Variants in ZFPM2 observed in about 807,000 individuals in gnomAD.
ZFPM2 encodes the protein zinc finger protein ZFPM2.
ZFPM2 carries 20 observed loss-of-function variants against 98.6 expected under a neutral mutation model. That is an observed-to-expected ratio of 0.20 (90% CI 0.14 to 0.29). The LOEUF is 0.29. Ranked by LOEUF, ZFPM2 falls within the 10% of genes least tolerant of loss-of-function variation. The probability of loss-of-function intolerance (pLI) is 1.00; values close to 1 mark genes in which losing one functional copy is unlikely to be tolerated. For missense variants in ZFPM2, 1,310 were observed against 1,388.6 expected, an observed-to-expected ratio of 0.94 and a Z score of 0.90; for synonymous variants, 518 against 502.7, an observed-to-expected ratio of 1.03 and a Z score of -0.41.
chr8:105,684,210 C>T (rs1810681325), intron 5 of ZFPM2, among the ~76,000 whole-genome samples: 1 of 152,080 alleles, frequency 6.6e-6, no homozygotes, highest in Admixed American at 6.6e-5. Context: ...ATAGAAATGA[C>T]TCCAGTTAGT....
intron 3 of ZFPM2, among the ~76,000 whole-genome samples, chr8:105,535,534 C>T (rs1814432847): frequency 6.6e-6 from 1 of 152,134 alleles, no homozygotes; most frequent in Non-Finnish European, 1.5e-5. Flanking sequence ...ACCAACTGAC[C>T]TCTGTGTTAT....
chr8:105,594,172 C>T (rs772189057), intron 4 of ZFPM2, among the ~76,000 whole-genome samples: 5 of 152,042 alleles, frequency 3.3e-5, no homozygotes, highest in Non-Finnish European at 5.9e-5. Context: ...TTTAAATCAG[C>T]CTGTCTCCTC....
intron 2 of ZFPM2, among the ~76,000 whole-genome samples, chr8:105,427,137 G>A (rs1563653483): frequency 6.6e-6 from 1 of 152,130 alleles, no homozygotes; most frequent in Admixed American, 6.6e-5. Flanking sequence ...GGGAGAGCAT[G>A]CGAAGGAACT....
intron 5 of ZFPM2, among the ~76,000 whole-genome samples, chr8:105,648,559 G>T (rs1329163534): frequency 6.6e-6 from 1 of 152,116 alleles, no homozygotes; most frequent in Non-Finnish European, 1.5e-5. Context: ...TTTATGTAAG[G>T]TGTAAGGAAA....
chr8:105,752,735 T>C (rs1052981533), intron 5 of ZFPM2, among the ~76,000 whole-genome samples: 3 of 152,176 alleles, frequency 2.0e-5, no homozygotes, highest in African/African-American at 7.2e-5. Flanking sequence ...TCAATTCATA[T>C]GGTTGCAGTC....
chr8:105,449,037 T>C (rs1346408742), intron 3 of ZFPM2, among the ~76,000 whole-genome samples: 1 of 152,042 alleles, frequency 6.6e-6, no homozygotes, highest in Non-Finnish European at 1.5e-5. Flanking sequence ...GGTAAATCTT[T>C]ATAAATCTGT....
At chr8:105,581,752 C>T (rs1046819121) in intron 4 of ZFPM2, among the ~76,000 whole-genome samples, 1 of 152,160 alleles carries the variant, frequency 6.6e-6, no homozygotes. Context: ...TTCAACCATA[C>T]CTAATGCCAT....
chr8:105,434,784 TA>T, intron 2 of ZFPM2, among the ~76,000 whole-genome samples: 1 of 152,312 alleles, frequency 6.6e-6, no homozygotes, highest in Non-Finnish European at 1.5e-5. Context: ...AGAATTTCTA[TA>T]AGAGGTTAAT....
At chr8:105,504,875 T>G (rs1299931576) in intron 3 of ZFPM2, among the ~76,000 whole-genome samples, 3 of 152,160 alleles carry the variant, frequency 2.0e-5, no homozygotes, top group African/African-American at 7.2e-5. Flanking sequence ...TTCCCATAAA[T>G]TATTGTGGGA....
chr8:105,474,933 G>A (rs1184097064), intron 3 of ZFPM2, among the ~76,000 whole-genome samples: 1 of 152,114 alleles, frequency 6.6e-6, no homozygotes, highest in Non-Finnish European at 1.5e-5. Flanking sequence ...GAGCCTTAGG[G>A]CTTCTCCAAA....
chr8:105,467,579 G>A (rs1378144647), intron 3 of ZFPM2, among the ~76,000 whole-genome samples: 1 of 152,094 alleles, frequency 6.6e-6, no homozygotes, highest in Non-Finnish European at 1.5e-5. Context: ...TGACCTCAGA[G>A]AGCCTGCACT....
At position 105,744,174 on chromosome 8, in the gene ZFPM2, G is replaced by A. The variant is rs1563545786; in HGVS notation, c.533-44544G>A. 2.6e-5 allele frequency among the ~76,000 whole-genome samples: 4 copies of A among 152,120 alleles called. No homozygotes were observed. The South Asian group carries it at 8.3e-4, about 32-fold the overall frequency. ...GCTAAAGAGCTTGGATTGGGTCCATGGAGGAACTCTGTTTTCCTCTCTCTC... is the reference window on the plus strand; with the variant it reads ...GCTAAAGAGCTTGGATTGGGTCCATAGAGGAACTCTGTTTTCCTCTCTCTC... On this transcript the variant is annotated intron_variant, in intron 5 of 7. Transcript: ENST00000407775.
intron 5 of ZFPM2, among the ~76,000 whole-genome samples, chr8:105,787,757 C>T (rs974711797): frequency 6.6e-6 from 1 of 151,878 alleles, no homozygotes; most frequent in African/African-American, 2.4e-5. Context: ...AGCTTTATAA[C>T]ATATCAAGTA....
intron 5 of ZFPM2, among the ~76,000 whole-genome samples, chr8:105,693,150 T>C (rs1223454020): frequency 6.6e-6 from 1 of 152,210 alleles, no homozygotes; most frequent in African/African-American, 2.4e-5. Context: ...GGACTCTGTT[T>C]TTCCATCATA....
intron 2 of ZFPM2, among the ~76,000 whole-genome samples, chr8:105,425,501 G>T (rs1240069904): frequency 6.6e-6 from 1 of 152,128 alleles, no homozygotes; most frequent in Non-Finnish European, 1.5e-5. Context: ...GCAGAGTTGG[G>T]TTTGTGTTTT....
chr8:105,784,295 A>T (rs1813346544), intron 5 of ZFPM2, among the ~76,000 whole-genome samples: 1 of 151,734 alleles, frequency 6.6e-6, no homozygotes, highest in Non-Finnish European at 1.5e-5. Flanking sequence ...AGATCCACAT[A>T]GATTGCTAGA....
chr8:105,665,034 T>C (rs1817463203), intron 5 of ZFPM2, among the ~76,000 whole-genome samples: 2 of 152,328 alleles, frequency 1.3e-5, no homozygotes, highest in South Asian at 4.1e-4. Context: ...AAGTTTATTT[T>C]GGCTCATGGT....
chr8:105,432,088 A>G (rs75793103), intron 2 of ZFPM2, among the ~76,000 whole-genome samples: 1 of 152,024 alleles, frequency 6.6e-6, no homozygotes, highest in Non-Finnish European at 1.5e-5. Flanking sequence ...GTTGGGCCAG[A>G]GAGACCAGGA....
chr8:105,576,188 A>C (rs1353579848), intron 4 of ZFPM2, among the ~76,000 whole-genome samples: 2 of 152,232 alleles, frequency 1.3e-5, no homozygotes, highest in Non-Finnish European at 2.9e-5. Context: ...TACGCAGAGC[A>C]ATTAGTAAAC....
Sources: allele counts gnomAD v4.1 joint callset (sites outside exome capture counted in the v4.1 genomes callset), GRCh38; gene constraint gnomAD v4.1.1; transcripts MANE v1.5; gene names NCBI Gene and HGNC (gene_info 2026-07-23, HGNC 2026-07-21).